MECOM: variants seen among roughly 807,000 people sequenced by gnomAD.
MECOM encodes MDS1 and EVI1 complex locus, also known as histone-lysine N-methyltransferase MECOM.
A neutral mutation model predicts 116.3 loss-of-function variants in MECOM; 13 were observed. That is an observed-to-expected ratio of 0.11 (90% CI 0.07 to 0.18). The LOEUF (loss-of-function observed/expected upper bound fraction) is 0.18. Ranked by LOEUF, MECOM falls within the 10% of genes least tolerant of loss-of-function variation. MECOM has a pLI of 1.00. For missense variants in MECOM, 1,299 were observed against 1,509.0 expected (o/e 0.86, Z 2.31); for synonymous variants, 528 against 535.2 (o/e 0.99, Z 0.19).
chr3:169,652,794 A>T (rs1456409968), intron 1 of MECOM, among the ~76,000 whole-genome samples: 1 of 152,194 alleles, frequency 6.6e-6, no homozygotes, highest in East Asian at 1.9e-4. Context: ...GCTTGACACC[A>T]TGCTCTATAT....
intron 2 of MECOM, among the ~76,000 whole-genome samples, chr3:169,276,774 T>C (rs939677340): frequency 6.6e-6 from 1 of 152,180 alleles, no homozygotes; most frequent in Non-Finnish European, 1.5e-5. Context: ...CAAAAAACAA[T>C]GTAATCACCT....
At chr3:169,369,342 C>CTTTTTT (rs10661629) in intron 2 of MECOM, among the ~76,000 whole-genome samples, 1,111 of 86,898 alleles carry the variant, frequency 0.013, 26 homozygotes, top group East Asian at 0.015. Context: ...TGATTGCAGC[C>CTTTTTT]TTTTTTTTTT....
chr3:169,137,123 C>A (rs929144184), intron 3 of MECOM, among the ~76,000 whole-genome samples: 2 of 152,018 alleles, frequency 1.3e-5, no homozygotes, highest in African/African-American at 2.4e-5. Context: ...ATTTTCTATA[C>A]CTTCATTCAA....
Position 169,568,263 on chromosome 3 carries a change from G to A in MECOM, c.37+95073C>T, listed in dbSNP as rs538746098. On this transcript the variant is annotated intron_variant, in intron 1 of 16. Transcript: ENST00000651503. ...TCCCTCAGGTGCCTAGGCCACCAGG[G>A]CTCTGAGTTTCAAGCACAAAACTGG... is the stretch of plus-strand genomic sequence containing the variant. Among the ~76,000 whole-genome samples, 11 of 152,238 alleles carry A rather than the reference G, an allele frequency of 7.2e-5. 1 individual carries two copies. The highest frequency in any genetic ancestry group is 2.6e-4 in the African/African-American group (11 of 41,548).
intron 1 of MECOM, among the ~76,000 whole-genome samples, chr3:169,486,147 T>A (rs1752362365): frequency 6.7e-6 from 1 of 150,042 alleles, no homozygotes; most frequent in Non-Finnish European, 1.5e-5. Flanking sequence ...TCTTTTTGTG[T>A]TTTTAATTAT....
intron 15 of MECOM, 124 bp downstream of exon 15, chr3:169,089,876 A>G: frequency 7.0e-7 from 1 of 1,421,790 alleles, no homozygotes. Flanking sequence ...TCCACCATGT[A>G]TCCCTTACTA....
chr3:169,611,845 G>T lies in MECOM; in HGVS notation c.37+51491C>A, dbSNP rs984426969. Among the ~76,000 whole-genome samples the T allele has an allele frequency of 6.6e-6, 1 of 152,070 alleles. No homozygotes were observed. Among genetic ancestry groups the T allele is most frequent in the African/African-American group, 2.4e-5 (1 of 41,394 alleles). ...GAAATCAGTAAAGAACATCAATCTT[G>T]GTTGGGATAAATTTAAGTAGCTGGA... On this transcript the variant is annotated intron_variant, in intron 1 of 16. Coordinates refer to ENST00000651503, the MANE Select transcript of MECOM (RefSeq NM_004991.4). This position sits in a 1 kb window ranked among gnomAD's most constrained non-coding sequence, Gnocchi z 4.1.
At chr3:169,133,815 T>G in intron 3 of MECOM, 2 of 790,086 alleles carry the variant, frequency 2.5e-6, no homozygotes, top group Non-Finnish European at 3.6e-6. Flanking sequence ...TTTTTTCCCC[T>G]AAACTTTCCA....
At chr3:169,164,111 G>A (rs1270550942) in intron 2 of MECOM, among the ~76,000 whole-genome samples, 2 of 152,098 alleles carry the variant, frequency 1.3e-5, no homozygotes, top group African/African-American at 4.8e-5. Context: ...GATATGGTTT[G>A]GCTCTGTGTC....
At chr3:169,315,429 G>A (rs1431728328) in intron 2 of MECOM, among the ~76,000 whole-genome samples, 3 of 152,300 alleles carry the variant, frequency 2.0e-5, no homozygotes, top group African/African-American at 4.8e-5. Context: ...TACACAGACC[G>A]AGACCTTTTC....
chr3:169,328,424 C>T (rs1006645619), intron 2 of MECOM, among the ~76,000 whole-genome samples: 13 of 152,048 alleles, frequency 8.5e-5, no homozygotes, highest in Admixed American at 1.3e-4. Flanking sequence ...TGCAAAGTAA[C>T]GAAATGAAAA....
intron 2 of MECOM, among the ~76,000 whole-genome samples, chr3:169,150,729 C>A (rs1311165058): frequency 6.6e-6 from 1 of 152,020 alleles, no homozygotes; most frequent in African/African-American, 2.4e-5. Context: ...TTTTTTCTTT[C>A]TTGATCTGTT....
intron 2 of MECOM, among the ~76,000 whole-genome samples, chr3:169,209,513 AAAAC>A (rs1433354512): frequency 3.9e-5 from 6 of 152,098 alleles, no homozygotes; most frequent in Non-Finnish European, 8.8e-5. Flanking sequence ...TTACGAGAAA[AAAAC>A]AAACAACCCC....
intron 1 of MECOM, among the ~76,000 whole-genome samples, chr3:169,413,737 T>C (rs1404502757): frequency 6.6e-6 from 1 of 152,104 alleles, no homozygotes; most frequent in Non-Finnish European, 1.5e-5. Flanking sequence ...CTTGAGTAGG[T>C]GGTTTTCCCT....
chr3:169,122,064 C>A (rs1288845874), intron 6 of MECOM, among the ~76,000 whole-genome samples: 1 of 152,138 alleles, frequency 6.6e-6, no homozygotes, highest in Non-Finnish European at 1.5e-5. Flanking sequence ...TCCATATCAT[C>A]CCTATGTTGT....
intron 1 of MECOM, among the ~76,000 whole-genome samples, chr3:169,534,716 A>G (rs867639798): frequency 6.6e-6 from 1 of 152,158 alleles, no homozygotes; most frequent in African/African-American, 2.4e-5. Flanking sequence ...ACCAACTAAC[A>G]CATGCAATCC....
At chr3:169,631,678 T>C (rs1018523884) in intron 1 of MECOM, among the ~76,000 whole-genome samples, 25 of 146,476 alleles carry the variant, frequency 1.7e-4, no homozygotes, top group African/African-American at 5.8e-4. Context: ...GTTCTCATTG[T>C]TCAATTCCCA....
At chr3:169,237,796 C>T (rs989544745) in intron 2 of MECOM, among the ~76,000 whole-genome samples, 4 of 151,806 alleles carry the variant, frequency 2.6e-5, no homozygotes, top group African/African-American at 9.7e-5. Flanking sequence ...TTTAGAAGTC[C>T]CATACTATTT....
At chr3:169,133,130 CACAT>C (rs975606824) in intron 3 of MECOM, among the ~76,000 whole-genome samples, 23 of 149,692 alleles carry the variant, frequency 1.5e-4, no homozygotes, top group East Asian at 3.9e-4. Context: ...CACACACACA[CACAT>C]ACACTACCAA....
Sources: gnomAD v4.1 joint callset for allele counts (sites outside exome capture counted in the v4.1 genomes callset) on GRCh38, gnomAD v4.1.1 for gene constraint, Gnocchi (gnomAD v3.1) non-coding constraint, MANE v1.5 for transcripts, NCBI Gene and HGNC (gene_info 2026-07-23, HGNC 2026-07-21) for gene names.